The following CBFA2T2 variants were observed in gnomAD, a reference collection of about 807,000 sequenced individuals.
The protein encoded by CBFA2T2 is CBFA2/RUNX1 partner transcriptional co-repressor 2.
Under a neutral mutation model 62.2 loss-of-function variants are expected in CBFA2T2, and 11 were observed. The observed-to-expected ratio is 0.18, with a 90% CI of 0.11 to 0.29. CBFA2T2 has a LOEUF of 0.29. Among genes scored for constraint, CBFA2T2 ranks in the 10% least tolerant of loss-of-function variants. The probability of loss-of-function intolerance (pLI) is 1.00; values close to 1 mark genes in which losing one functional copy is unlikely to be tolerated. For missense variants in CBFA2T2, 592 were observed against 774.1 expected (o/e 0.76, Z 2.79); for synonymous variants, 295 against 287.5 (o/e 1.03, Z -0.27).
intron 1 of CBFA2T2, among the ~76,000 whole-genome samples, chr20:33,546,415 A>C (rs1255772850): frequency 4.1e-5 from 6 of 147,430 alleles, no homozygotes; most frequent in Non-Finnish European, 7.5e-5. Flanking sequence ...AGCATGGCCT[A>C]TCTGGATATA....
intron 1 of CBFA2T2, among the ~76,000 whole-genome samples, chr20:33,593,549 C>T (rs936769909): frequency 1.3e-5 from 2 of 151,726 alleles, no homozygotes; most frequent in Non-Finnish European, 2.9e-5. Flanking sequence ...CCTGCCACCA[C>T]GCCTGGCTAA....
intron 1 of CBFA2T2, among the ~76,000 whole-genome samples, chr20:33,513,974 C>T (rs1009400967): frequency 1.1e-4 from 16 of 150,662 alleles, no homozygotes; most frequent in African/African-American, 3.7e-4. Context: ...GATCTCGGCT[C>T]ACTGCAGCCT....
chr20:33,539,522 G>A (rs2012352563), intron 1 of CBFA2T2, among the ~76,000 whole-genome samples: 2 of 152,028 alleles, frequency 1.3e-5, no homozygotes, highest in Admixed American at 1.3e-4. Context: ...CTAAACTTAG[G>A]GACTGGGAGT....
At chr20:33,621,499 G>A (rs1369421554) in intron 4 of CBFA2T2, among the ~76,000 whole-genome samples, 3 of 151,630 alleles carry the variant, frequency 2.0e-5, no homozygotes, top group Non-Finnish European at 2.9e-5. Context: ...TAATAGTAGC[G>A]ACCATATTGT....
intron 1 of CBFA2T2, among the ~76,000 whole-genome samples, chr20:33,514,530 G>A (rs1362224098): frequency 6.6e-6 from 1 of 151,958 alleles, no homozygotes; most frequent in Admixed American, 6.6e-5. Context: ...TGGAGCAGGG[G>A]ATGGAGCGAA....
At chr20:33,617,285 T>C (rs1343978854) in intron 3 of CBFA2T2, among the ~76,000 whole-genome samples, 2 of 152,200 alleles carry the variant, frequency 1.3e-5, no homozygotes, top group Non-Finnish European at 2.9e-5. Context: ...GTCAGTAGTG[T>C]CCTGTACATG....
chr20:33,583,201 T>C (rs2014198349), intron 1 of CBFA2T2, among the ~76,000 whole-genome samples: 1 of 152,250 alleles, frequency 6.6e-6, no homozygotes, highest in Non-Finnish European at 1.5e-5. Flanking sequence ...ATTGTTTCCA[T>C]TAGATTGTGT....
intron 1 of CBFA2T2, among the ~76,000 whole-genome samples, chr20:33,532,682 G>A (rs2012095415): frequency 6.6e-6 from 1 of 152,204 alleles, no homozygotes; most frequent in African/African-American, 2.4e-5. Context: ...CACTGTGAGA[G>A]GATGTATCTT....
chr20:33,573,226 A>G (rs1057409885), intron 1 of CBFA2T2, among the ~76,000 whole-genome samples: 2 of 152,182 alleles, frequency 1.3e-5, no homozygotes, highest in South Asian at 4.1e-4. Flanking sequence ...AAGATGATTA[A>G]TAAGTAATAT....
chr20:33,646,348 C>G lies in CBFA2T2; in HGVS notation c.*1702C>G, dbSNP rs1355707357. 6.6e-6 allele frequency: 1 copy of G among 152,236 alleles called. No homozygotes were observed. Among genetic ancestry groups the G allele is most frequent in the Non-Finnish European group, 1.5e-5 (1 of 68,126 alleles). 9.4% of individuals were successfully genotyped at this position (152,236 alleles called of 1,614,324 possible). On this transcript the variant is annotated 3_prime_UTR_variant, in exon 11 of 11. Transcript: ENST00000342704. ...TCTGAGGACCCCGACCCCTCCTGCT[C>G]TCCATCTTTGAGCCTCTGGCATCCT...
intron 6 of CBFA2T2, 131 bp from the exon 7 acceptor site, chr20:33,628,219 C>T: frequency 3.0e-6 from 2 of 658,826 alleles, no homozygotes; most frequent in Middle Eastern, 2.6e-4. Flanking sequence ...GTGGGTCCCC[C>T]ACCCCATTGT....
chr20:33,526,740 A>AT (rs1461111224), intron 1 of CBFA2T2, among the ~76,000 whole-genome samples: 5 of 152,320 alleles, frequency 3.3e-5, no homozygotes, highest in African/African-American at 1.2e-4. Flanking sequence ...CAAAAAAAAA[A>AT]ATGTAGATTT....
chr20:33,559,632 G>A (rs551741993), intron 1 of CBFA2T2, among the ~76,000 whole-genome samples: 47 of 152,124 alleles, frequency 3.1e-4, no homozygotes, highest in Middle Eastern at 3.4e-3. Context: ...GATTACAGGC[G>A]CCCACCACCA....
At chr20:33,491,627 A>G (rs1018920933) in intron 1 of CBFA2T2, among the ~76,000 whole-genome samples, 2 of 152,098 alleles carry the variant, frequency 1.3e-5, no homozygotes, top group African/African-American at 4.8e-5. Context: ...TCCATTCCTC[A>G]TGAAATTTCC....
chr20:33,598,353 C>G (rs1209896641), intron 1 of CBFA2T2, among the ~76,000 whole-genome samples: 2 of 152,102 alleles, frequency 1.3e-5, no homozygotes, highest in Non-Finnish European at 2.9e-5. Flanking sequence ...CCTAGGGGGG[C>G]CGTTTATAAG....
chr20:33,618,424 T>C (rs964971793), intron 3 of CBFA2T2: 8 of 152,188 alleles, frequency 5.3e-5, no homozygotes, highest in Non-Finnish European at 7.3e-5. Context: ...GAAGAAAATA[T>C]TTTTATTTGT....
At chr20:33,545,092 C>T (rs1034398868) in intron 1 of CBFA2T2, among the ~76,000 whole-genome samples, 6 of 152,124 alleles carry the variant, frequency 3.9e-5, no homozygotes, top group South Asian at 2.1e-4. Flanking sequence ...CTCCAAATGA[C>T]GTTAACCATG....
At chr20:33,600,210 T>G (rs1157240349) in intron 1 of CBFA2T2, 3 of 146,400 alleles carry the variant, frequency 2.0e-5, no homozygotes, top group Non-Finnish European at 4.5e-5. Context: ...TTTTTTTTTT[T>G]TGTGATGGAG....
intron 1 of CBFA2T2, among the ~76,000 whole-genome samples, chr20:33,551,661 AG>A (rs2146885341): frequency 6.6e-6 from 1 of 151,426 alleles, no homozygotes; most frequent in South Asian, 2.1e-4. Flanking sequence ...CTCCCATCGT[AG>A]CTGGGATTAC....
Sources: gnomAD v4.1 joint callset for allele counts (sites outside exome capture counted in the v4.1 genomes callset) on GRCh38, gnomAD v4.1.1 for gene constraint, MANE v1.5 for transcripts, NCBI Gene and HGNC (gene_info 2026-07-23, HGNC 2026-07-21) for gene names.